Variants in DDB1 observed in about 807,000 individuals in gnomAD.
DDB1 encodes the protein damage specific DNA binding protein 1.
A neutral mutation model predicts 133.1 loss-of-function variants in DDB1; 18 were observed. That is an observed-to-expected ratio of 0.14 (90% confidence interval 0.09 to 0.20). The LOEUF (loss-of-function observed/expected upper bound fraction) is 0.20. Among genes scored for constraint, DDB1 ranks in the 10% least tolerant of loss-of-function variants. The pLI is 1.00. For missense variants in DDB1, 828 were observed against 1,459.2 expected (o/e 0.57, Z 7.05); for synonymous variants, 580 against 550.5 (o/e 1.05, Z -0.75).
chr11:61,324,282 G>T, intron 6 of DDB1, 145 bp from the exon 7 acceptor site: 2 of 810,228 alleles, frequency 2.5e-6, no homozygotes, highest in Admixed American at 5.5e-5. Flanking sequence ...AATGAGGATA[G>T]ATCCTATTGC....
chr11:61,318,577 T>A (rs1360283766), intron 10 of DDB1, among the ~76,000 whole-genome samples: 1 of 152,194 alleles, frequency 6.6e-6, no homozygotes, highest in Non-Finnish European at 1.5e-5. Flanking sequence ...GTGATCTTTC[T>A]ATAAATATGT....
At chr11:61,326,153 G>C (rs1353215413) in intron 5 of DDB1, 1 of 255,664 alleles carries the variant, frequency 3.9e-6, no homozygotes, top group Non-Finnish European at 7.6e-6. Flanking sequence ...TACTGAGTGA[G>C]ACAAACATAA....
chr11:61,307,096 C>A (rs764626245), intron 21 of DDB1, among the ~76,000 whole-genome samples: 15 of 152,232 alleles, frequency 9.9e-5, no homozygotes, highest in Non-Finnish European at 1.5e-4. Flanking sequence ...GATCCCACCT[C>A]CTTTTGCCTG....
chr11:61,312,303 C>T (rs1339027355), intron 16 of DDB1, among the ~76,000 whole-genome samples: 4 of 152,242 alleles, frequency 2.6e-5, no homozygotes, highest in Admixed American at 1.3e-4. Flanking sequence ...TTTTTAACAG[C>T]TTTCCATTTA....
intron 19 of DDB1, 95 bp from the exon 20 acceptor site, chr11:61,310,055 A>C (rs773464012): frequency 8.4e-5 from 128 of 1,525,736 alleles, no homozygotes; most frequent in Non-Finnish European, 1.2e-4. Context: ...TTAGGCAGTG[A>C]CAAAGCGTGT....
chr11:61,302,235 G>C (rs372159527), intron 25 of DDB1, 22 bp downstream of exon 25: 1 of 1,601,700 alleles, frequency 6.2e-7, no homozygotes, highest in Non-Finnish European at 8.6e-7. Flanking sequence ...TCCCAGCAAG[G>C]GGATGGCTCT....
chr11:61,303,843 C>T (rs566496375), intron 22 of DDB1, 22 bp downstream of exon 22: 7 of 1,612,572 alleles, frequency 4.3e-6, no homozygotes, highest in East Asian at 2.2e-5. Flanking sequence ...GAAGTCTGCT[C>T]GCATCCCCCC....
chr11:61,332,044 T>G (rs1856387498), intron 1 of DDB1: 1 of 187,966 alleles, frequency 5.3e-6, no homozygotes. Flanking sequence ...CCGGAGAAAG[T>G]GTTCACTTCT....
At chr11:61,328,742 GCACCTGTAATTC>G (rs1255382888) in intron 4 of DDB1, among the ~76,000 whole-genome samples, 2 of 152,058 alleles carry the variant, frequency 1.3e-5, no homozygotes, top group Non-Finnish European at 1.5e-5. Flanking sequence ...GTGGTGGCAT[GCACCTGTAATTC>G]CAGCTACTCA....
intron 4 of DDB1, among the ~76,000 whole-genome samples, chr11:61,328,524 C>G (rs1335110493): frequency 6.6e-6 from 1 of 152,178 alleles, no homozygotes; most frequent in Non-Finnish European, 1.5e-5. Context: ...GACCAGAGAA[C>G]AGCTGCCCAG....
In DDB1 at chr11:61,331,635, C is replaced by G. The variant is rs371829600; in HGVS notation, c.118G>C (p.Glu40Gln). Residue 40 changes from glutamate to glutamine, a missense_variant, in exon 2 of 27, where the codon GAG becomes CAG. By Grantham distance (29) the Glu-to-Gln change is conservative (BLOSUM62 2). Transcript: ENST00000301764. ...CCCTCGGCGGTGACCACATAGATCT[C>G]TAATCTCGTGTTTTTGGCAATCAAC... ...NLLIAKNTRL[E>Q]IYVVTAEGLR... 23 of 1,614,088 alleles carry G rather than the reference C, an allele frequency of 1.4e-5. No individual in the cohort carries two copies. Among genetic ancestry groups the G allele is most frequent in the Non-Finnish European group, 1.2e-5 (14 of 1,180,046 alleles).
intron 21 of DDB1, among the ~76,000 whole-genome samples, chr11:61,304,864 T>G (rs1420006800): frequency 7.8e-5 from 11 of 140,296 alleles, no homozygotes; most frequent in African/African-American, 2.9e-4. Context: ...GGGGACAGAG[T>G]GAGACTCCGC....
Position 61,316,354 on chromosome 11 carries a change from T to A in DDB1, c.1341A>T (p.Glu447Asp), listed in dbSNP as rs780957836. The change falls in exon 12 of 27, where the codon GAA becomes GAT. Residue 447 changes from glutamate to aspartate, a missense_variant. This residue lies in a region of DDB1 where 396 missense variants were observed against 554.1 expected (regional missense o/e 0.71). Transcript: ENST00000301764. ...MLNGEEVEET[E>D]LMGFVDDQQT... Reference sequence around the variant, plus strand: ...GCTGATCATCCACGAAACCCATCAGTTCGGTTTCTTCTACCTCCTCTCCAT... The same window carrying A: ...GCTGATCATCCACGAAACCCATCAGATCGGTTTCTTCTACCTCCTCTCCAT... The A allele has an allele frequency of 1.2e-6, 2 of 1,614,158 alleles. No individual in the cohort carries two copies. Among genetic ancestry groups the A allele is most frequent in the Middle Eastern group, 1.6e-4 (1 of 6,062 alleles).
intron 12 of DDB1, chr11:61,315,919 A>G (rs138192198): frequency 0.017 from 2,852 of 167,314 alleles, 51 homozygotes; most frequent in Non-Finnish European, 0.027. Flanking sequence ...TTCTAATTTT[A>G]TAAATAAGGA....
intron 8 of DDB1, 151 bp downstream of exon 8, chr11:61,322,858 CAG>C (rs1210053640): frequency 3.0e-6 from 2 of 662,002 alleles, no homozygotes; most frequent in Non-Finnish European, 5.1e-6. Context: ...AAGAGCTAGT[CAG>C]GGGTAGGATG....
At chr11:61,310,221 G>A (rs1855941847) in intron 19 of DDB1, 74 bp downstream of exon 19, 2 of 1,548,138 alleles carry the variant, frequency 1.3e-6, no homozygotes, top group Admixed American at 3.8e-5. Flanking sequence ...GTCAGGCTTT[G>A]CAGGTACCAG....
chr11:61,313,445 C>T (rs949373364), intron 16 of DDB1, 54 bp downstream of exon 16: 2 of 1,523,256 alleles, frequency 1.3e-6, no homozygotes, highest in Non-Finnish European at 1.8e-6. Flanking sequence ...TTGAGGAAAA[C>T]ATCATGACCC....
chr11:61,302,242 C>A lies in DDB1; in HGVS notation c.3215+15G>T, dbSNP rs1855809213. Reference sequence around the variant, plus strand: ...GATGTGCTTCCCAGCAAGGGGATGGCTCTGGGAAGGATATAAGGAGTGCTC... The same window carrying A: ...GATGTGCTTCCCAGCAAGGGGATGGATCTGGGAAGGATATAAGGAGTGCTC... On this transcript the variant is annotated intron_variant, in intron 25 of 26. Coordinates refer to ENST00000301764, the MANE Select transcript of DDB1 (RefSeq NM_001923.5). 6 of 1,608,516 alleles carry A rather than the reference C, an allele frequency of 3.7e-6. No homozygotes were observed. Among genetic ancestry groups the A allele is most frequent in the South Asian group, 1.1e-5 (1 of 90,976 alleles).
At chr11:61,302,780 G>C (rs749445267) in intron 23 of DDB1, 29 bp from the exon 24 acceptor site, 1 of 1,613,514 alleles carries the variant, frequency 6.2e-7, no homozygotes. Context: ...GTCACTTTCT[G>C]AACCTCCTGT....
Sources: allele counts gnomAD v4.1 joint callset (sites outside exome capture counted in the v4.1 genomes callset), GRCh38; gene constraint gnomAD v4.1.1; regional missense constraint gnomAD v4.1.1; transcripts MANE v1.5; gene names NCBI Gene and HGNC (gene_info 2026-07-23, HGNC 2026-07-21).